Variants in DEFA5 observed in about 807,000 individuals in gnomAD.
The protein encoded by DEFA5 is HD5(20-94).
DEFA5 carries 11 observed loss-of-function variants against 8.7 expected under a neutral mutation model. That is an observed-to-expected ratio of 1.26 (90% CI 0.80 to 2.09). The LOEUF is 2.09. Ranked by LOEUF, DEFA5 falls within the 30% of genes most tolerant of loss-of-function variation. The pLI, the probability that DEFA5 is intolerant of heterozygous loss-of-function variation, is 0.00. For synonymous variants in DEFA5, 52 were observed against 43.9 expected (o/e 1.18, Z -0.73); for missense variants, 181 against 117.2 (o/e 1.54, Z -2.52).
In DEFA5 at chr8:7,056,570, G is replaced by A. The variant is rs750973176; in HGVS notation, c.128C>T (p.Ala43Val). The A allele has an allele frequency of 1.9e-6, 3 of 1,613,840 alleles. No individual in the cohort carries two copies. Among genetic ancestry groups the A allele is most frequent in the Non-Finnish European group, 1.7e-6 (2 of 1,179,868 alleles). ...KQSGEDNQDLAISFAGNGLSA... is the reference protein window; with the variant it reads ...KQSGEDNQDLVISFAGNGLSA... ...GAGTCCATTTCCTGCAAAGGAGATA[G>A]CAAGGTCCTGGTTGTCTTCCCCAGA... Residue 43 changes from alanine to valine, a missense_variant, in exon 1 of 2, where the codon GCT becomes GTT. Coordinates refer to ENST00000330590, the MANE Select transcript of DEFA5 (RefSeq NM_021010.3).
intron 1 of DEFA5, 47 bp downstream of exon 1, chr8:7,056,479 T>C (rs995093968): frequency 1.9e-6 from 3 of 1,551,660 alleles, no homozygotes; most frequent in East Asian, 2.3e-5. Context: ...CTTTCTCCAA[T>C]CCTTTTTTTC....
rs756066801 is a variant in DEFA5 at position 7,056,699 on chromosome 8, G to A, written c.-2C>T. 3 of 1,607,686 alleles carry A rather than the reference G, an allele frequency of 1.9e-6. No homozygotes were observed. The highest frequency in any genetic ancestry group is 2.2e-5 in the South Asian group (2 of 90,646). ...AGCAAGGATGGCGATGGTCCTCATG[G>A]CTGGGGTCACCTGCAGGAGGGAGAG... On this transcript the variant is annotated 5_prime_UTR_variant, in exon 1 of 2. Coordinates refer to ENST00000330590, the MANE Select transcript of DEFA5 (RefSeq NM_021010.3).
Position 7,056,586 on chromosome 8 carries a change from C to G in DEFA5, c.112G>C (p.Asp38His), listed in dbSNP as rs777619310. ...EATTQKQSGE[D>H]NQDLAISFAG... ...AAGGAGATAGCAAGGTCCTGGTTGT[C>G]TTCCCCAGACTGCTTCTGGGTTGTA... The change falls in exon 1 of 2, where the codon GAC (aspartate) becomes CAC (histidine). Residue 38 changes from aspartate to histidine, a missense_variant. Asp to His is a moderately conservative substitution (Grantham distance 81, BLOSUM62 -1). Transcript: ENST00000330590. 5 of 1,614,114 alleles carry G rather than the reference C, an allele frequency of 3.1e-6. No homozygotes were observed. Among genetic ancestry groups the G allele is most frequent in the Non-Finnish European group, 4.2e-6 (5 of 1,179,942 alleles).
At position 7,055,307 on chromosome 8, in the gene DEFA5, A is replaced by T; in HGVS notation, c.*124T>A. 1 of 710,868 alleles carries T rather than the reference A, an allele frequency of 1.4e-6. No individual in the cohort carries two copies. Among genetic ancestry groups the T allele is most frequent in the Non-Finnish European group, 2.4e-6 (1 of 424,086 alleles). 44.0% of individuals were successfully genotyped at this position (710,868 alleles called of 1,614,324 possible). On this transcript the variant is annotated 3_prime_UTR_variant, in exon 2 of 2. Coordinates refer to ENST00000330590, the MANE Select transcript of DEFA5 (RefSeq NM_021010.3). Reference sequence around the variant, plus strand: ...TAAAAAGGTCAAACACACTAAGTTTAATGCTTGAACTTTATTTTGGAGAGA... The same window carrying T: ...TAAAAAGGTCAAACACACTAAGTTTTATGCTTGAACTTTATTTTGGAGAGA...
Position 7,055,537 on chromosome 8 carries a change from T to C in DEFA5, c.179A>G (p.Gln60Arg). The C allele has an allele frequency of 6.2e-7, 1 of 1,609,458 alleles. No homozygotes were observed. The highest frequency in any genetic ancestry group is 8.5e-7 in the Non-Finnish European group (1 of 1,177,202). ...GLSALRTSGS[Q>R]ARATCYCRTG... is the part of the protein sequence containing the mutation. Reference sequence around the variant, plus strand: ...TCGGCAATAGCAGGTGGCTCTTGCCTGAGAACCTGTGGAAAGAAGAGAGGG... The same window carrying C: ...TCGGCAATAGCAGGTGGCTCTTGCCCGAGAACCTGTGGAAAGAAGAGAGGG... Residue 60 changes from glutamine (Q) to arginine (R), a missense_variant, in exon 2 of 2, where the codon CAG becomes CGG. Transcript: ENST00000330590.
intron 1 of DEFA5, 35 bp from the exon 2 acceptor site, chr8:7,055,578 G>T: frequency 6.8e-7 from 1 of 1,479,368 alleles, no homozygotes; most frequent in East Asian, 2.3e-5. Flanking sequence ...CACAGCGAGG[G>T]AGGTGGGAAA....
chr8:7,056,519 C>G lies in DEFA5; in HGVS notation c.172+7G>C, dbSNP rs573432216. The G allele has an allele frequency of 1.2e-6, 2 of 1,604,342 alleles. No homozygotes were observed. Among genetic ancestry groups the G allele is most frequent in the Non-Finnish European group, 1.7e-6 (2 of 1,172,682 alleles). ...TTTTGCAGATGTGCAAGATTGATGT[C>G]TCCTACCTGAGGTTCTAAGAGCAGA... On this transcript the variant is annotated splice_region_variant and intron_variant, in intron 1 of 1. Transcript: ENST00000330590.
rs11778394 is a variant in DEFA5 at position 7,055,679 on chromosome 8, G to T, written c.173-136C>A. ...GATGGAGAAAATTCATGTCTTTGTCGTAAGTGACAAGAAATCTTACTAGCT... is the reference window on the plus strand; with the variant it reads ...GATGGAGAAAATTCATGTCTTTGTCTTAAGTGACAAGAAATCTTACTAGCT... On this transcript the variant is annotated intron_variant, in intron 1 of 1. Coordinates refer to ENST00000330590, the MANE Select transcript of DEFA5 (RefSeq NM_021010.3). 36 of 640,542 alleles carry T rather than the reference G, an allele frequency of 5.6e-5. No individual in the cohort carries two copies. The African/African-American group carries it at 5.6e-4, about 10-fold the overall frequency. 39.7% of individuals were successfully genotyped at this position (640,542 alleles called of 1,614,324 possible). A position where few individuals can be genotyped will look rare whatever the true frequency, so the allele number is the denominator to read the frequency against.
chr8:7,055,311 C>A lies in DEFA5; in HGVS notation c.*120G>T. On this transcript the variant is annotated 3_prime_UTR_variant, in exon 2 of 2. Transcript: ENST00000330590. ...AAGGTCAAACACACTAAGTTTAATG[C>A]TTGAACTTTATTTTGGAGAGAGAAA... The A allele has an allele frequency of 1.4e-6, 1 of 734,978 alleles. No homozygotes were observed. Among genetic ancestry groups the A allele is most frequent in the Non-Finnish European group, 2.3e-6 (1 of 443,024 alleles). 45.5% of individuals were successfully genotyped at this position (734,978 alleles called of 1,614,324 possible). A position where few individuals can be genotyped will look rare whatever the true frequency, so the allele number is the denominator to read the frequency against.
Position 7,056,610 on chromosome 8 carries a change from T to C in DEFA5, c.88A>G (p.Thr30Ala). The change falls in exon 1 of 2, where the codon ACA becomes GCA. Residue 30 changes from threonine to alanine, a missense_variant. Coordinates refer to ENST00000330590, the MANE Select transcript of DEFA5 (RefSeq NM_021010.3). ...TCTTCCCCAGACTGCTTCTGGGTTG[T>C]AGCCTCATCAGCTCTTTCCTGGAGT... ...ESLQERADEA[T>A]TQKQSGEDNQ... 14 of 1,614,208 alleles carry C rather than the reference T, an allele frequency of 8.7e-6. No individual in the cohort carries two copies. The highest frequency in any genetic ancestry group is 1.1e-5 in the Non-Finnish European group (13 of 1,180,010).
Position 7,056,527 on chromosome 8 carries a change from T to C in DEFA5, c.171A>G (p.Ser57=), listed in dbSNP as rs748300653. The change falls in exon 1 of 2, where the codon TCA becomes TCG. Residue 57 remains serine, a splice_region_variant and synonymous_variant. Transcript: ENST00000330590. ...AGNGLSALRT[S]GSQARATCYC... The stretch of plus-strand genomic sequence containing the variant: ...ATGTGCAAGATTGATGTCTCCTACC[T>C]GAGGTTCTAAGAGCAGAGAGTCCAT... The C allele has an allele frequency of 2.0e-5, 32 of 1,607,416 alleles. No individual in the cohort carries two copies. Among genetic ancestry groups the C allele is most frequent in the Non-Finnish European group, 2.6e-5 (31 of 1,174,958 alleles).
At chr8:7,056,014 C>CTTTTT (rs56220551) in intron 1 of DEFA5, among the ~76,000 whole-genome samples, 149 of 112,910 alleles carry the variant, frequency 1.3e-3, no homozygotes, top group African/African-American at 4.7e-3. Flanking sequence ...TCTGTCTCTC[C>CTTTTT]TTTTTTTTTT....
Position 7,055,360 on chromosome 8 carries a change from G to A in DEFA5, c.*71C>T. On this transcript the variant is annotated 3_prime_UTR_variant, in exon 2 of 2. Transcript: ENST00000330590. ...AATTTAGAAAGACACAAGGTACACA[G>A]AGTAAAATGTTTTTCTTTTTTCAGG... The A allele has an allele frequency of 9.0e-7, 1 of 1,110,090 alleles. No individual in the cohort carries two copies. Among genetic ancestry groups the A allele is most frequent in the Non-Finnish European group, 1.3e-6 (1 of 743,566 alleles). 68.8% of individuals were successfully genotyped at this position (1,110,090 alleles called of 1,614,324 possible). A position where few individuals can be genotyped will look rare whatever the true frequency, so the allele number is the denominator to read the frequency against.
rs771161687 is a variant in DEFA5, at chr8:7,055,475, C to T, written c.241G>A (p.Val81Met). The T allele has an allele frequency of 1.5e-5, 24 of 1,613,804 alleles. No individual in the cohort carries two copies. Among genetic ancestry groups the T allele is most frequent in the Non-Finnish European group, 1.6e-5 (19 of 1,179,916 alleles). The change falls in exon 2 of 2, where the codon GTG becomes ATG. Residue 81 changes from valine to methionine, a missense_variant. Physicochemically the swap from Val to Met is conservative, Grantham distance 21. Coordinates refer to ENST00000330590, the MANE Select transcript of DEFA5 (RefSeq NM_021010.3). ...TAGAGGCGGCCACTGATTTCACACA[C>T]CCCGGAGAGGGACTCACGGGTAGCA... The part of the protein sequence containing the change: ...RCATRESLSG[V>M]CEISGRLYRL...
In DEFA5 at chr8:7,055,528, G is replaced by A. The variant is rs761604822; in HGVS notation, c.188C>T (p.Ala63Val). Residue 63 changes from alanine (A) to valine (V), a missense_variant, in exon 2 of 2, where the codon GCC (alanine) becomes GTC (valine). Ala to Val is a moderately conservative substitution (Grantham distance 64). Coordinates refer to ENST00000330590, the MANE Select transcript of DEFA5 (RefSeq NM_021010.3). ...ALRTSGSQAR[A>V]TCYCRTGRCA... ...ACGGCCGGTTCGGCAATAGCAGGTGGCTCTTGCCTGAGAACCTGTGGAAAG... is the reference window on the plus strand; with the variant it reads ...ACGGCCGGTTCGGCAATAGCAGGTGACTCTTGCCTGAGAACCTGTGGAAAG... 6.2e-7 allele frequency: 1 copy of A among 1,612,020 alleles called. No homozygotes were observed. Among genetic ancestry groups the A allele is most frequent in the Non-Finnish European group, 8.5e-7 (1 of 1,178,908 alleles).
chr8:7,056,598 G>A lies in DEFA5; in HGVS notation c.100C>T (p.Gln34Ter), dbSNP rs780005029. 2.5e-5 allele frequency: 40 copies of A among 1,614,058 alleles called. No homozygotes were observed. The East Asian group carries it at 7.8e-4, about 31-fold the overall frequency. ...AGGTCCTGGTTGTCTTCCCCAGACT[G>A]CTTCTGGGTTGTAGCCTCATCAGCT... Reference protein sequence around the residue: ...ERADEATTQKQSGEDNQDLAI... With the variant: ...ERADEATTQK The change falls in exon 1 of 2, where the codon CAG becomes TAG. Residue 34 changes from glutamine (Q) to a stop codon, truncating the protein, a stop_gained. Coordinates refer to ENST00000330590, the MANE Select transcript of DEFA5 (RefSeq NM_021010.3). LOFTEE classifies it high-confidence loss of function.
At position 7,056,682 on chromosome 8, in the gene DEFA5, T is replaced by C. The variant is rs140785130; in HGVS notation, c.16A>G (p.Ile6Val). 4.1e-3 allele frequency: 6,627 copies of C among 1,612,756 alleles called. 21 individuals are homozygous for C. Among genetic ancestry groups the C allele is most frequent in the Non-Finnish European group, 4.9e-3 (5,721 of 1,179,304 alleles). The part of the protein sequence containing the change: MRTIA[I>V]LAAILLVALQ... The stretch of plus-strand genomic sequence containing the variant: ...GCCACCAGGAGAATGGCAGCAAGGA[T>C]GGCGATGGTCCTCATGGCTGGGGTC... Residue 6 changes from isoleucine (I) to valine (V), a missense_variant, in exon 1 of 2, where the codon ATC becomes GTC. Transcript: ENST00000330590.
intron 1 of DEFA5, 74 bp downstream of exon 1, chr8:7,056,452 A>G: frequency 6.9e-7 from 1 of 1,458,708 alleles, no homozygotes; most frequent in East Asian, 2.3e-5. Context: ...AGACCTTTCC[A>G]CACTTGACTC....
In DEFA5 at chr8:7,056,668, A is replaced by G. The variant is rs56256679; in HGVS notation, c.30T>C (p.Ile10=). The change falls in exon 1 of 2, where the codon ATT becomes ATC. Residue 10 remains isoleucine (I), a synonymous_variant. Coordinates refer to ENST00000330590, the MANE Select transcript of DEFA5 (RefSeq NM_021010.3). ...CCTGGGCCTGCAGGGCCACCAGGAG[A>G]ATGGCAGCAAGGATGGCGATGGTCC... The part of the protein sequence containing the change: MRTIAILAA[I]LLVALQAQAE... 245 of 1,613,304 alleles carry G rather than the reference A, an allele frequency of 1.5e-4. 2 individuals carry two copies. The South Asian group carries it at 2.5e-3, about 16-fold the overall frequency.
Sources: allele counts gnomAD v4.1 joint callset (sites outside exome capture counted in the v4.1 genomes callset), GRCh38; gene constraint gnomAD v4.1.1; transcripts MANE v1.5; gene names NCBI Gene and HGNC (gene_info 2026-07-23, HGNC 2026-07-21).